The following WASHC4 variants were observed in gnomAD, a reference collection of about 807,000 sequenced individuals.
WASHC4 encodes WASH complex subunit 4.
Under a neutral mutation model 166.6 loss-of-function variants are expected in WASHC4, and 86 were observed. The observed-to-expected ratio is 0.52, with a 90% CI of 0.43 to 0.62. The LOEUF (loss-of-function observed/expected upper bound fraction) is 0.62. Among genes scored for constraint, WASHC4 ranks in the 20% least tolerant of loss-of-function variants. WASHC4 has a pLI of 0.00. For synonymous variants in WASHC4, 446 were observed against 451.6 expected (o/e 0.99, Z 0.16); for missense variants, 1,262 against 1,382.4 (o/e 0.91, Z 1.38).
chr12:105,137,613 TC>T (rs1882436349), intron 14 of WASHC4, among the ~76,000 whole-genome samples: 1 of 152,220 alleles, frequency 6.6e-6, no homozygotes, highest in Non-Finnish European at 1.5e-5. Flanking sequence ...AGGGAAAGAT[TC>T]TTAAGCTGTA....
At chr12:105,153,353 T>C (rs1355218787) in intron 26 of WASHC4, among the ~76,000 whole-genome samples, 2 of 152,240 alleles carry the variant, frequency 1.3e-5, no homozygotes, top group South Asian at 4.1e-4. Context: ...TAATACGTTA[T>C]AAGCATTTCA....
intron 19 of WASHC4, 27 bp downstream of exon 19, chr12:105,142,585 A>G (rs1882961630): frequency 8.1e-7 from 1 of 1,227,882 alleles, no homozygotes; most frequent in Non-Finnish European, 1.2e-6. Context: ...ATAAAGAATA[A>G]TTCTATCATT....
At chr12:105,134,048 A>T (rs540392602) in intron 14 of WASHC4, 152 bp downstream of exon 14, 1 of 671,760 alleles carries the variant, frequency 1.5e-6, no homozygotes, top group Admixed American at 2.7e-5. Context: ...TTATTAATTT[A>T]AATTTTCTAA....
intron 25 of WASHC4, among the ~76,000 whole-genome samples, 161 bp from the exon 26 acceptor site, chr12:105,152,182 G>A (rs971088165): frequency 1.3e-5 from 2 of 152,166 alleles, no homozygotes; most frequent in African/African-American, 4.8e-5. Flanking sequence ...AAGTTATATT[G>A]ACCTTGAACA....
rs1198718113 is a variant in WASHC4, at chr12:105,164,742, T to G, written c.3454+2T>G. 1.2e-6 allele frequency: 2 copies of G among 1,602,674 alleles called. No individual in the cohort carries two copies. The highest frequency in any genetic ancestry group is 1.7e-6 in the Non-Finnish European group (2 of 1,170,608). ...ACCAAGAAAAGAAAGAGAAGGAAGGTCAGTGAGTGGTTTAAATTTGGAAAG... is the reference window on the plus strand; with the variant it reads ...ACCAAGAAAAGAAAGAGAAGGAAGGGCAGTGAGTGGTTTAAATTTGGAAAG... On this transcript the variant is annotated splice_donor_variant, in intron 32 of 32. Coordinates refer to ENST00000332180, the MANE Select transcript of WASHC4 (RefSeq NM_015275.3). LOFTEE classifies it high-confidence loss of function.
intron 28 of WASHC4, 98 bp from the exon 29 acceptor site, chr12:105,159,903 T>G: frequency 8.9e-7 from 1 of 1,120,250 alleles, no homozygotes; most frequent in South Asian, 1.3e-5. Flanking sequence ...CAGTGTTTCC[T>G]GCTTTTCAAG....
chr12:105,118,385 AG>A (rs1475695312), intron 6 of WASHC4, 60 bp from the exon 7 acceptor site: 1 of 1,161,798 alleles, frequency 8.6e-7, no homozygotes, highest in African/African-American at 1.5e-5. Context: ...CATAAAATTC[AG>A]TAAAAAATGG....
At chr12:105,115,602 G>A (rs1012869664) in intron 5 of WASHC4, 59 bp from the exon 6 acceptor site, 1 of 1,249,474 alleles carries the variant, frequency 8.0e-7, no homozygotes, top group Non-Finnish European at 1.2e-6. Flanking sequence ...CCCTTTTTTG[G>A]TATTGATTGA....
intron 26 of WASHC4, among the ~76,000 whole-genome samples, chr12:105,154,737 C>T (rs1555240431): frequency 9.9e-5 from 15 of 152,186 alleles, no homozygotes; most frequent in Non-Finnish European, 1.0e-4. Flanking sequence ...TCTTAGCTAA[C>T]ATGTGGGAGA....
rs759288621 is a variant in WASHC4 at position 105,118,540 on chromosome 12, TA to T, written c.518+13del. 17 of 1,538,034 alleles carry T rather than the reference TA, an allele frequency of 1.1e-5. No individual in the cohort carries two copies. The South Asian group carries it at 1.8e-4, about 16-fold the overall frequency. ...TATATCAGTAACAAGTAATGGATTT[TA>T]GAAATATTTTTGCTTTTATAATAGA... On this transcript the variant is annotated intron_variant, in intron 7 of 32. Transcript: ENST00000332180.
chr12:105,139,425 G>GTGTGTGTGTATA, intron 15 of WASHC4, among the ~76,000 whole-genome samples: 5 of 103,224 alleles, frequency 4.8e-5, no homozygotes, highest in Admixed American at 1.1e-4. Flanking sequence ...ATGTGTGTGT[G>GTGTGTGTGTATA]TATATATATA....
chr12:105,141,412 T>C (rs1882839319), intron 18 of WASHC4, among the ~76,000 whole-genome samples, 166 bp downstream of exon 18: 1 of 152,200 alleles, frequency 6.6e-6, no homozygotes, highest in South Asian at 2.1e-4. Flanking sequence ...AGGGATCATA[T>C]TTATTTAGCT....
At chr12:105,128,766 C>T (rs1881517168) in intron 13 of WASHC4, among the ~76,000 whole-genome samples, 1 of 120,434 alleles carries the variant, frequency 8.3e-6, no homozygotes, top group Admixed American at 8.5e-5. Context: ...GCATTAAATT[C>T]CGTTTTGTTT....
intron 26 of WASHC4, 96 bp from the exon 27 acceptor site, chr12:105,156,630 T>TGGAA: frequency 1.9e-6 from 2 of 1,036,950 alleles, no homozygotes; most frequent in Non-Finnish European, 2.9e-6. Context: ...TTCTTAGGAG[T>TGGAA]GGAAACCTTG....
At chr12:105,148,649 A>G (rs1215735557) in intron 24 of WASHC4, 4 of 985,248 alleles carry the variant, frequency 4.1e-6, no homozygotes, top group African/African-American at 3.5e-5. Context: ...AGAGAGTACA[A>G]TGTTTAAGCT....
chr12:105,129,568 G>T (rs902748218), intron 13 of WASHC4, among the ~76,000 whole-genome samples: 1 of 152,162 alleles, frequency 6.6e-6, no homozygotes, highest in Non-Finnish European at 1.5e-5. Flanking sequence ...GCCATGTTTT[G>T]AGAGGGTCAC....
At chr12:105,156,944 T>A in intron 27 of WASHC4, 152 bp downstream of exon 27, 1 of 700,182 alleles carries the variant, frequency 1.4e-6, no homozygotes, top group East Asian at 2.7e-5. Flanking sequence ...TCTACTAGAT[T>A]TTTCTCAAAT....
intron 29 of WASHC4, 86 bp downstream of exon 29, chr12:105,160,234 A>C: frequency 9.4e-7 from 1 of 1,066,754 alleles, no homozygotes; most frequent in African/African-American, 1.6e-5. Context: ...CACGAAATGC[A>C]TACAGACTAC....
At chr12:105,155,722 A>G (rs1218841857) in intron 26 of WASHC4, among the ~76,000 whole-genome samples, 2 of 151,778 alleles carry the variant, frequency 1.3e-5, no homozygotes, top group Non-Finnish European at 2.9e-5. Context: ...ACGCCATGTG[A>G]TCACAGCTAC....
Sources: allele counts gnomAD v4.1 joint callset (sites outside exome capture counted in the v4.1 genomes callset), GRCh38; gene constraint gnomAD v4.1.1; transcripts MANE v1.5; gene names NCBI Gene and HGNC (gene_info 2026-07-23, HGNC 2026-07-21).